ERBB4: variants seen among roughly 807,000 people sequenced by gnomAD.
ERBB4 encodes the protein receptor tyrosine-protein kinase erbB-4.
A neutral mutation model predicts 158.0 loss-of-function variants in ERBB4; 42 were observed. That is an observed-to-expected ratio of 0.27 (90% CI 0.21 to 0.34). The LOEUF (loss-of-function observed/expected upper bound fraction) is 0.34, where lower values mean the gene tolerates loss of function less well. Among genes scored for constraint, ERBB4 ranks in the 10% least tolerant of loss-of-function variants. The pLI, the probability that ERBB4 is intolerant of heterozygous loss-of-function variation, is 1.00. For missense variants in ERBB4, 1,333 were observed against 1,624.1 expected (o/e 0.82, Z 3.08); for synonymous variants, 583 against 558.7 (o/e 1.04, Z -0.61).
At chr2:212,093,485 A>G (rs139653379) in intron 2 of ERBB4, among the ~76,000 whole-genome samples, 1 of 152,310 alleles carries the variant, frequency 6.6e-6, no homozygotes, top group Non-Finnish European at 1.5e-5. Context: ...CTATAACTCA[A>G]TGGTGTGAGA....
intron 20 of ERBB4, among the ~76,000 whole-genome samples, chr2:211,517,046 G>A (rs550835498): frequency 6.6e-5 from 10 of 152,202 alleles, no homozygotes; most frequent in African/African-American, 2.2e-4. Context: ...ATTCACTTAG[G>A]AGTAGGTAAA....
At chr2:211,970,368 G>A (rs1258686079) in intron 2 of ERBB4, among the ~76,000 whole-genome samples, 1 of 152,164 alleles carries the variant, frequency 6.6e-6, no homozygotes, top group Non-Finnish European at 1.5e-5. Context: ...CTGTTGTTTT[G>A]TGGTGGAGAG....
intron 1 of ERBB4, among the ~76,000 whole-genome samples, chr2:212,189,897 C>G (rs1228129358): frequency 1.3e-5 from 2 of 152,046 alleles, no homozygotes; most frequent in African/African-American, 4.8e-5. Flanking sequence ...AATATGTAAA[C>G]CAATTATAAG....
chr2:212,408,089 T>C (rs1007251612), intron 1 of ERBB4, among the ~76,000 whole-genome samples: 10 of 152,072 alleles, frequency 6.6e-5, no homozygotes, highest in South Asian at 2.1e-4. Flanking sequence ...TATTTTTATT[T>C]ATTTATTTTT....
At chr2:212,415,930 C>T (rs994443697) in intron 1 of ERBB4, among the ~76,000 whole-genome samples, 3 of 152,088 alleles carry the variant, frequency 2.0e-5, no homozygotes, top group Admixed American at 1.3e-4. Flanking sequence ...GGGCAAGCTA[C>T]AAAATTTGTG....
At chr2:212,470,846 A>C (rs976637520) in intron 1 of ERBB4, among the ~76,000 whole-genome samples, 7 of 152,072 alleles carry the variant, frequency 4.6e-5, no homozygotes, top group African/African-American at 1.7e-4. Context: ...ATTTAATTCA[A>C]GGAACATTTC....
intron 1 of ERBB4, among the ~76,000 whole-genome samples, chr2:212,346,498 A>G (rs577306184): frequency 2.6e-5 from 4 of 151,248 alleles, no homozygotes; most frequent in South Asian, 4.1e-4. Context: ...CTAAAACATT[A>G]AAATGTTTTA....
chr2:211,901,688 A>G (rs541506440), intron 3 of ERBB4, among the ~76,000 whole-genome samples: 1 of 152,220 alleles, frequency 6.6e-6, no homozygotes, highest in South Asian at 2.1e-4. Flanking sequence ...GTTTATTACT[A>G]TGCATACATC....
chr2:211,485,774 G>T (rs568879201), intron 20 of ERBB4, among the ~76,000 whole-genome samples: 58 of 151,584 alleles, frequency 3.8e-4, no homozygotes, highest in African/African-American at 1.4e-3. Flanking sequence ...CGAGTTAATG[G>T]GTGCAGCACA....
At chr2:211,788,368 C>T (rs2076214961) in intron 3 of ERBB4, among the ~76,000 whole-genome samples, 1 of 151,960 alleles carries the variant, frequency 6.6e-6, no homozygotes, top group Non-Finnish European at 1.5e-5. Flanking sequence ...AAGTGAAAAA[C>T]AACCACTCAT....
intron 1 of ERBB4, among the ~76,000 whole-genome samples, chr2:212,374,725 TC>T (rs2106396226): frequency 6.6e-6 from 1 of 152,080 alleles, no homozygotes; most frequent in African/African-American, 2.4e-5. Context: ...CCAGAAAGGT[TC>T]CTATTAGTTT....
intron 1 of ERBB4, among the ~76,000 whole-genome samples, chr2:212,178,798 C>T (rs2081761087): frequency 6.6e-6 from 1 of 151,382 alleles, no homozygotes; most frequent in South Asian, 2.1e-4. Context: ...GGAAGACTCT[C>T]CTCCATCGCC....
chr2:211,590,821 T>C (rs1448207838), intron 19 of ERBB4, among the ~76,000 whole-genome samples: 1 of 152,176 alleles, frequency 6.6e-6, no homozygotes, highest in Non-Finnish European at 1.5e-5. Flanking sequence ...GCTTACAAAT[T>C]GGGTAAGCTG....
At chr2:211,898,298 C>T (rs543767987) in intron 3 of ERBB4, among the ~76,000 whole-genome samples, 1 of 151,984 alleles carries the variant, frequency 6.6e-6, no homozygotes, top group East Asian at 1.9e-4. Flanking sequence ...TGATAAAACA[C>T]AGCACAAAGA....
At chr2:211,951,831 T>C (rs970373760) in intron 2 of ERBB4, among the ~76,000 whole-genome samples, 6 of 152,146 alleles carry the variant, frequency 3.9e-5, no homozygotes, top group African/African-American at 9.7e-5. Flanking sequence ...CCTTTTCTTA[T>C]GTGAACTCTG....
At chr2:212,166,614 A>G (rs1165096257) in intron 1 of ERBB4, among the ~76,000 whole-genome samples, 1 of 152,076 alleles carries the variant, frequency 6.6e-6, no homozygotes, top group African/African-American at 2.4e-5. Context: ...TATGGAATCA[A>G]AGAAGACCCC....
Position 211,989,495 on chromosome 2 carries a change from A to T in ERBB4, c.235-41879T>A, listed in dbSNP as rs537981681. 1.4e-4 allele frequency among the ~76,000 whole-genome samples: 22 copies of T among 151,998 alleles called. No homozygotes were observed. In the East Asian group the frequency reaches 2.9e-3, roughly 20 times the overall value. On this transcript the variant is annotated intron_variant, in intron 2 of 27. Coordinates refer to ENST00000342788, the MANE Select transcript of ERBB4 (RefSeq NM_005235.3). ...CTATAATATTCTTAAAATAAATTTT[A>T]TTCATATAATATTTCTTCTGTTTAA...
At chr2:211,747,609 A>T (rs986790621) in intron 5 of ERBB4, among the ~76,000 whole-genome samples, 2 of 152,230 alleles carry the variant, frequency 1.3e-5, no homozygotes, top group Admixed American at 6.5e-5. Context: ...TTTAGCCAAC[A>T]GAAGCAGATC....
intron 19 of ERBB4, among the ~76,000 whole-genome samples, chr2:211,593,788 C>A (rs184433734): frequency 6.6e-6 from 1 of 152,160 alleles, no homozygotes; most frequent in Non-Finnish European, 1.5e-5. Context: ...TATCCGAGAG[C>A]GCTGCTGGCA....
Sources: gnomAD v4.1 joint callset for allele counts (sites outside exome capture counted in the v4.1 genomes callset) on GRCh38, gnomAD v4.1.1 for gene constraint, MANE v1.5 for transcripts, NCBI Gene and HGNC (gene_info 2026-07-23, HGNC 2026-07-21) for gene names.